FANCM: variants seen among roughly 807,000 people sequenced by gnomAD.
The protein encoded by FANCM is FA complementation group M, also known as Fanconi anemia group M protein.
In FANCM, 140 loss-of-function variants were observed where a neutral mutation model predicts 199.5. The observed-to-expected ratio is 0.70, with a 90% confidence interval of 0.61 to 0.81. FANCM has a LOEUF of 0.81. Among genes scored for constraint, FANCM ranks in the 30% least tolerant of loss-of-function variants. FANCM has a pLI of 0.00. For synonymous variants in FANCM, 840 were observed against 836.8 expected (o/e 1.00, Z -0.07); for missense variants, 2,410 against 2,421.4 (o/e 1.00, Z 0.10).
intron 7 of FANCM, 35 bp from the exon 8 acceptor site, chr14:45,155,338 C>A (rs2139173551): frequency 1.1e-6 from 1 of 950,808 alleles, no homozygotes; most frequent in Non-Finnish European, 1.7e-6. Flanking sequence ...TGGAAAAAAA[C>A]AGAAAAAAAT....
intron 8 of FANCM, among the ~76,000 whole-genome samples, chr14:45,157,036 A>T (rs73340685): frequency 6.6e-6 from 1 of 152,050 alleles, no homozygotes; most frequent in African/African-American, 2.4e-5. Flanking sequence ...AGAGATAAGT[A>T]TGTGAGGTAA....
chr14:45,143,794 A>C (rs570112245), intron 3 of FANCM, among the ~76,000 whole-genome samples: 1 of 150,664 alleles, frequency 6.6e-6, no homozygotes, highest in South Asian at 2.1e-4. Flanking sequence ...CCCGGGTTCA[A>C]GCCATTCTCC....
intron 8 of FANCM, among the ~76,000 whole-genome samples, chr14:45,156,916 CA>C (rs535786477): frequency 0.011 from 538 of 47,800 alleles, 1 homozygote; most frequent in Middle Eastern, 0.027. Flanking sequence ...GACTCTGTCT[CA>C]AAAAAAAAAA....
intron 13 of FANCM, 68 bp from the exon 14 acceptor site, chr14:45,175,003 C>T (rs926357279): frequency 9.1e-6 from 8 of 881,422 alleles, no homozygotes. Flanking sequence ...AGTGAAACTC[C>T]TCTCTTAGAT....
Position 45,175,941 on chromosome 14 carries a change from A to G in FANCM, c.3187A>G (p.Lys1063Glu), listed in dbSNP as rs1171533572. The change falls in exon 14 of 23, where the codon AAA (lysine) becomes GAA (glutamate). Residue 1063 changes from lysine (K) to glutamate (E), a missense_variant. By Grantham distance (56) the Lys-to-Glu change is moderately conservative. Coordinates refer to ENST00000267430, the MANE Select transcript of FANCM (RefSeq NM_020937.4). The part of the protein sequence containing the change: ...SLKCINYPSE[K>E]SCLYDIPNDN... ...TAAATGTATAAATTATCCATCTGAA[A>G]AAAGTTGCCTTTATGATATACCTAA... 6.2e-7 allele frequency: 1 copy of G among 1,613,462 alleles called. No homozygotes were observed. The highest frequency in any genetic ancestry group is 8.5e-7 in the Non-Finnish European group (1 of 1,179,570).
At chr14:45,187,632 A>T (rs1889489264) in intron 18 of FANCM, 149 bp from the exon 19 acceptor site, 6 of 552,490 alleles carry the variant, frequency 1.1e-5, no homozygotes, top group Non-Finnish European at 2.0e-5. Context: ...ATAATTGTTT[A>T]TAGATATCTT....
In FANCM at chr14:45,188,891, T is replaced by A; in HGVS notation, c.4869T>A (p.Val1623=). The change falls in exon 20 of 23, where the codon GTT becomes GTA. Residue 1623 remains valine, a synonymous_variant. Coordinates refer to ENST00000267430, the MANE Select transcript of FANCM (RefSeq NM_020937.4). ...AAGGCCAATCAAGTGAAGAAGAAGT[T>A]TGTGTTGATTTTAACTTAATAACTG... The part of the protein sequence containing the change: ...SCKGQSSEEE[V]CVDFNLITDD... 1 of 1,613,834 alleles carries A rather than the reference T, an allele frequency of 6.2e-7. No homozygotes were observed. Among genetic ancestry groups the A allele is most frequent in the Non-Finnish European group, 8.5e-7 (1 of 1,179,866 alleles).
chr14:45,190,604 C>G (rs999955962), intron 20 of FANCM, among the ~76,000 whole-genome samples: 1 of 152,142 alleles, frequency 6.6e-6, no homozygotes, highest in African/African-American at 2.4e-5. Context: ...CTATTCTGCT[C>G]TCTGCTTCTA....
Position 45,175,093 on chromosome 14 carries a change from A to C in FANCM, c.2339A>C (p.Glu780Ala), listed in dbSNP as rs149856496. 110 of 1,610,022 alleles carry C rather than the reference A, an allele frequency of 6.8e-5. No homozygotes were observed. The highest frequency in any genetic ancestry group is 9.2e-5 in the Non-Finnish European group (108 of 1,177,142). The change falls in exon 14 of 23, where the codon GAA becomes GCA. Residue 780 changes from glutamate (E) to alanine (A), a missense_variant. Physicochemically the swap from Glu to Ala is moderately radical, Grantham distance 107. Coordinates refer to ENST00000267430, the MANE Select transcript of FANCM (RefSeq NM_020937.4). ...TAGGGAGAATGCAGCTATGAATTGG[A>C]AGTTGAATCTTATTTACAAATGGAA... ...HEEGECSYEL[E>A]VESYLQMEDV...
chr14:45,146,240 G>GAAAAA (rs143430263), intron 3 of FANCM, among the ~76,000 whole-genome samples: 1 of 93,166 alleles, frequency 1.1e-5, no homozygotes, highest in African/African-American at 4.1e-5. Flanking sequence ...GACTCCGTCT[G>GAAAAA]AAAAAAAAAA....
chr14:45,152,578 C>T (rs1886902430), intron 5 of FANCM, among the ~76,000 whole-genome samples: 1 of 152,090 alleles, frequency 6.6e-6, no homozygotes, highest in Admixed American at 6.5e-5. Flanking sequence ...CACTCATAGA[C>T]ACAAAAAAGG....
chr14:45,156,073 T>C (rs919916001), intron 8 of FANCM, among the ~76,000 whole-genome samples: 32 of 152,292 alleles, frequency 2.1e-4, no homozygotes, highest in African/African-American at 7.5e-4. Context: ...GAGAGAGTTA[T>C]AGAGGAGTGC....
intron 10 of FANCM, among the ~76,000 whole-genome samples, chr14:45,165,342 C>A (rs1323293084): frequency 6.6e-6 from 1 of 151,974 alleles, no homozygotes; most frequent in African/African-American, 2.4e-5. Flanking sequence ...GGTCAGGAGT[C>A]CGAGACCAGC....
At position 45,164,393 on chromosome 14, in the gene FANCM, C is replaced by T. The variant is rs758046969; in HGVS notation, c.1616C>T (p.Thr539Met). 17 of 1,613,016 alleles carry T rather than the reference C, an allele frequency of 1.1e-5. No individual in the cohort carries two copies. Among genetic ancestry groups the T allele is most frequent in the South Asian group, 5.5e-5 (5 of 91,030 alleles). ...CAGTTTCGTGACGGTGGTTACAACACGCTGGTTTCTACCTGTGTGGGTGAA... is the reference window on the plus strand; with the variant it reads ...CAGTTTCGTGACGGTGGTTACAACATGCTGGTTTCTACCTGTGTGGGTGAA... ...VKQFRDGGYNTLVSTCVGEEG... is the reference protein window; with the variant it reads ...VKQFRDGGYNMLVSTCVGEEG... The change falls in exon 10 of 23, where the codon ACG (threonine) becomes ATG (methionine). Residue 539 changes from threonine to methionine, a missense_variant. Physicochemically the swap from Thr to Met is moderately conservative, Grantham distance 81 (BLOSUM62 -1). Transcript: ENST00000267430.
rs1046159806 is a variant in FANCM, at chr14:45,139,505, G to C, written c.682-1127G>C. On this transcript the variant is annotated intron_variant, in intron 2 of 22. Transcript: ENST00000267430. ...TTCCTCTGTATTGGGAAATGAAGTG[G>C]TATATGGGAATCTGGCAAATTATCC... 3.3e-5 allele frequency among the ~76,000 whole-genome samples: 5 copies of C among 152,282 alleles called. 2 individuals are homozygous for C. In the South Asian group the frequency reaches 8.3e-4, roughly 25 times the overall value.
At chr14:45,141,659 GGC>G (rs1885971424) in intron 3 of FANCM, among the ~76,000 whole-genome samples, 1 of 148,342 alleles carries the variant, frequency 6.7e-6, no homozygotes. Context: ...GCATGACCTT[GGC>G]TCACTGCAAC....
chr14:45,152,268 G>A (rs893017551), intron 5 of FANCM, among the ~76,000 whole-genome samples: 1 of 152,112 alleles, frequency 6.6e-6, no homozygotes, highest in African/African-American at 2.4e-5. Flanking sequence ...GACCTCAGGT[G>A]ATCTGCCTGT....
At position 45,175,277 on chromosome 14, in the gene FANCM, A is replaced by G; in HGVS notation, c.2523A>G (p.Lys841=). Residue 841 remains lysine (K), a synonymous_variant, in exon 14 of 23, where the codon AAA becomes AAG. Coordinates refer to ENST00000267430, the MANE Select transcript of FANCM (RefSeq NM_020937.4). ...ESDEECAEIV[K]QTHIKPTKIV... is the part of the protein sequence containing the mutation. ...ATGAAGAATGTGCTGAAATTGTTAA[A>G]CAAACTCATATCAAACCTACTAAAA... 1.3e-6 allele frequency: 2 copies of G among 1,599,356 alleles called. No homozygotes were observed. The highest frequency in any genetic ancestry group is 1.7e-6 in the Non-Finnish European group (2 of 1,174,088).
chr14:45,182,682 T>C (rs1189876595), intron 16 of FANCM, among the ~76,000 whole-genome samples: 1 of 152,204 alleles, frequency 6.6e-6, no homozygotes, highest in Non-Finnish European at 1.5e-5. Flanking sequence ...TTGTCTGTTT[T>C]AATTCTCGAA....
Sources: allele counts gnomAD v4.1 joint callset (sites outside exome capture counted in the v4.1 genomes callset), GRCh38; gene constraint gnomAD v4.1.1; transcripts MANE v1.5; gene names NCBI Gene and HGNC (gene_info 2026-07-23, HGNC 2026-07-21).